The following DIS3L2 variants were observed in gnomAD, a reference collection of about 807,000 sequenced individuals.
DIS3L2 encodes the protein DIS3 like 3'-5' exoribonuclease 2.
In DIS3L2, 34 loss-of-function variants were observed where a neutral mutation model predicts 97.5. The observed-to-expected ratio is 0.35, with a 90% CI of 0.27 to 0.46. The LOEUF (loss-of-function observed/expected upper bound fraction) is 0.46, where lower values mean the gene tolerates loss of function less well. Among genes scored for constraint, DIS3L2 ranks in the 20% least tolerant of loss-of-function variants. The probability of loss-of-function intolerance (pLI) is 1.00; values close to 1 mark genes in which losing one functional copy is unlikely to be tolerated. For missense variants in DIS3L2, 1,038 were observed against 1,146.0 expected (o/e 0.91, Z 1.36); for synonymous variants, 435 against 445.2 (o/e 0.98, Z 0.29).
At chr2:232,200,647 A>C (rs954893319) in intron 9 of DIS3L2, among the ~76,000 whole-genome samples, 4 of 152,136 alleles carry the variant, frequency 2.6e-5, no homozygotes, top group African/African-American at 9.7e-5. Flanking sequence ...GCAGGAAAAA[A>C]CTTCTTTTAA....
In DIS3L2 at chr2:232,334,079, C is replaced by T. The variant is rs1050379007; in HGVS notation, c.2158+92C>T. ...TGCTCAGTGGCCCAAGACCATTCTG[C>T]CGTGACAGCGGAGGTCCAAGGGTCG... is the stretch of plus-strand genomic sequence containing the variant. On this transcript the variant is annotated intron_variant, in intron 17 of 20. Coordinates refer to ENST00000325385, the MANE Select transcript of DIS3L2 (RefSeq NM_152383.5). 6 of 1,501,748 alleles carry T rather than the reference C, an allele frequency of 4.0e-6. No homozygotes were observed. The African/African-American group carries it at 5.6e-5, about 14-fold the overall frequency. The allele number at this position is 1,501,748 out of a possible 1,614,324, so 93.0% of individuals were successfully genotyped here.
chr2:232,239,241 G>A (rs1025841427), intron 11 of DIS3L2, among the ~76,000 whole-genome samples: 3 of 152,158 alleles, frequency 2.0e-5, no homozygotes, highest in African/African-American at 7.2e-5. Context: ...GAAGGGACTG[G>A]ACAGATTCAT....
Position 232,276,451 on chromosome 2 carries a change from C to G in DIS3L2, c.1659+13011C>G, listed in dbSNP as rs1435257750. On this transcript the variant is annotated intron_variant, in intron 13 of 20. Transcript: ENST00000325385. This position sits in a 1 kb window ranked among gnomAD's most constrained non-coding sequence, Gnocchi z 4.4. Reference sequence around the variant, plus strand: ...GAGCTCCTATCTTTCCTGGACCCTCCTGGCTGCCTAGTTTCCTGGCTGGGA... The same window carrying G: ...GAGCTCCTATCTTTCCTGGACCCTCGTGGCTGCCTAGTTTCCTGGCTGGGA... Among the ~76,000 whole-genome samples, 1 of 152,250 alleles carries G rather than the reference C, an allele frequency of 6.6e-6. No individual in the cohort carries two copies. Among genetic ancestry groups the G allele is most frequent in the Admixed American group, 6.5e-5 (1 of 15,292 alleles).
chr2:232,332,911 G>A (rs939780873), intron 16 of DIS3L2, among the ~76,000 whole-genome samples: 1 of 152,124 alleles, frequency 6.6e-6, no homozygotes, highest in African/African-American at 2.4e-5. Flanking sequence ...AAGAGCCTGA[G>A]GCCCGTATTG....
At position 232,325,559 on chromosome 2, in the gene DIS3L2, G is replaced by A. The variant is rs1160963848; in HGVS notation, c.1740-4254G>A. 2.6e-5 allele frequency among the ~76,000 whole-genome samples: 4 copies of A among 152,148 alleles called. No homozygotes were observed. Among genetic ancestry groups the A allele is most frequent in the African/African-American group, 9.7e-5 (4 of 41,430 alleles). ...GAGAGGTGCTGGGAGTGAGTGCCGA[G>A]GAGCTGGGGTCCTGGCCCTGCAGCC... On this transcript the variant is annotated intron_variant, in intron 14 of 20. Coordinates refer to ENST00000325385, the MANE Select transcript of DIS3L2 (RefSeq NM_152383.5). The surrounding 1 kb of genome is among the most constrained non-coding windows in gnomAD (Gnocchi z 4.6).
intron 14 of DIS3L2, among the ~76,000 whole-genome samples, chr2:232,308,504 T>C (rs1288241535): frequency 1.3e-5 from 2 of 152,206 alleles, no homozygotes; most frequent in Admixed American, 6.5e-5. Flanking sequence ...TTTTGGGACC[T>C]TGAAACACAC....
intron 14 of DIS3L2, 28 bp from the exon 15 acceptor site, chr2:232,329,785 T>TGCCCGGGCC: frequency 1.0e-6 from 1 of 967,142 alleles, no homozygotes; most frequent in African/African-American, 1.7e-5. Flanking sequence ...ACCCCAGCGG[T>TGCCCGGGCC]CCCTCCCATC....
intron 9 of DIS3L2, among the ~76,000 whole-genome samples, chr2:232,181,908 T>C (rs1375783854): frequency 6.6e-6 from 1 of 152,138 alleles, no homozygotes; most frequent in African/African-American, 2.4e-5. Context: ...CACCTCAGCC[T>C]CCCAAAGTGC....
chr2:232,262,361 T>C (rs1209071102), intron 12 of DIS3L2, among the ~76,000 whole-genome samples: 1 of 152,222 alleles, frequency 6.6e-6, no homozygotes, highest in Admixed American at 6.5e-5. Context: ...ATATTTATTA[T>C]ACAAAATACA....
chr2:232,158,001 T>C (rs545972240), intron 8 of DIS3L2, among the ~76,000 whole-genome samples: 1 of 152,282 alleles, frequency 6.6e-6, no homozygotes, highest in Non-Finnish European at 1.5e-5. Flanking sequence ...CCACATGTCT[T>C]TTCCCTAGAT....
chr2:231,980,258 G>A (rs190430443), intron 1 of DIS3L2, among the ~76,000 whole-genome samples: 9 of 152,246 alleles, frequency 5.9e-5, no homozygotes, highest in Admixed American at 2.6e-4. Flanking sequence ...AGTGTGACTG[G>A]TAGTACTTCT....
intron 13 of DIS3L2, among the ~76,000 whole-genome samples, chr2:232,289,291 T>A (rs1435290570): frequency 6.6e-6 from 1 of 151,774 alleles, no homozygotes; most frequent in Non-Finnish European, 1.5e-5. Flanking sequence ...GCCCAGTTAC[T>A]GGCCCGTGTT....
intron 1 of DIS3L2, among the ~76,000 whole-genome samples, chr2:232,013,266 T>A (rs1037436513): frequency 3.3e-5 from 5 of 152,274 alleles, no homozygotes; most frequent in African/African-American, 1.2e-4. Flanking sequence ...CTCTGAGTCC[T>A]GTACCAGGTT....
intron 12 of DIS3L2, among the ~76,000 whole-genome samples, chr2:232,262,913 A>G (rs1693748365): frequency 6.6e-6 from 1 of 152,024 alleles, no homozygotes; most frequent in African/African-American, 2.4e-5. Flanking sequence ...CACCGAAACT[A>G]ATGAAAAAGC....
chr2:232,217,910 G>A (rs751055780), intron 10 of DIS3L2, among the ~76,000 whole-genome samples: 4 of 152,232 alleles, frequency 2.6e-5, no homozygotes, highest in Non-Finnish European at 5.9e-5. Context: ...TGGGCAAAAA[G>A]CGTTTGATCT....
intron 9 of DIS3L2, among the ~76,000 whole-genome samples, chr2:232,181,888 G>A (rs555261165): frequency 6.6e-6 from 1 of 152,226 alleles, no homozygotes; most frequent in South Asian, 2.1e-4. Flanking sequence ...CTGACCTCAG[G>A]TGATCTGCCC....
Position 232,276,183 on chromosome 2 carries a change from GAAT to G in DIS3L2, c.1659+12745_1659+12747del, listed in dbSNP as rs1452972295. Among the ~76,000 whole-genome samples the G allele has an allele frequency of 1.3e-5, 2 of 152,222 alleles. No individual in the cohort carries two copies. The highest frequency in any genetic ancestry group is 1.5e-5 in the Non-Finnish European group (1 of 68,040). On this transcript the variant is annotated intron_variant, in intron 13 of 20. Coordinates refer to ENST00000325385, the MANE Select transcript of DIS3L2 (RefSeq NM_152383.5). The surrounding 1 kb of genome is among the most constrained non-coding windows in gnomAD (Gnocchi z 4.4). The stretch of plus-strand genomic sequence containing the variant: ...CTCCTAAATAAGAAGATGTGCTAAT[GAAT>G]AGCAGAGTCTACTGGTTTCGAAGCA...
At chr2:231,998,871 T>G (rs1443541591) in intron 1 of DIS3L2, among the ~76,000 whole-genome samples, 1 of 152,206 alleles carries the variant, frequency 6.6e-6, no homozygotes, top group Non-Finnish European at 1.5e-5. Context: ...TCTTATTTAG[T>G]CAGTTATAAA....
intron 6 of DIS3L2, among the ~76,000 whole-genome samples, chr2:232,106,979 A>G (rs893105598): frequency 6.6e-6 from 1 of 152,244 alleles, no homozygotes; most frequent in Non-Finnish European, 1.5e-5. Context: ...CCACATGGAA[A>G]TTAAACAACC....
Sources: allele counts gnomAD v4.1 joint callset (sites outside exome capture counted in the v4.1 genomes callset), GRCh38; gene constraint gnomAD v4.1.1; non-coding constraint Gnocchi (gnomAD v3.1); transcripts MANE v1.5; gene names NCBI Gene and HGNC (gene_info 2026-07-23, HGNC 2026-07-21).